Variants in LRP2 observed in about 807,000 individuals in gnomAD.
LRP2 encodes the protein LDL receptor related protein 2, also known as low-density lipoprotein receptor-related protein 2.
In LRP2, 172 loss-of-function variants were observed where a neutral mutation model predicts 531.0. The ratio of observed to expected loss-of-function variants is 0.32; its 90% CI spans 0.29 to 0.37. LRP2 has a LOEUF of 0.37. Ranked by LOEUF, LRP2 falls within the 10% of genes least tolerant of loss-of-function variation. The pLI, the probability that LRP2 is intolerant of heterozygous loss-of-function variation, is 1.00. For synonymous variants in LRP2, 1,992 were observed against 2,027.6 expected (o/e 0.98, Z 0.47); for missense variants, 5,167 against 5,868.3 (o/e 0.88, Z 3.90).
At chr2:169,182,397 CA>C in intron 50 of LRP2, 78 bp from the exon 51 acceptor site, 1 of 1,598,850 alleles carries the variant, frequency 6.3e-7, no homozygotes, top group South Asian at 1.1e-5. Context: ...GTTTCCTACC[CA>C]AGCTACCTGA....
In LRP2 at chr2:169,256,106, C is replaced by G; in HGVS notation, c.2770G>C (p.Glu924Gln). ...ATACTTTTATTGCTTTAAAACATAC[C>G]TCCAAAGATGGCAAGTCCAAACGGA... ...THPFGLAIFG[E>Q]HLFFTDWRLG... is the part of the protein sequence containing the mutation. The change falls in exon 19 of 79, where the codon GAG (glutamate) becomes CAG (glutamine). Residue 924 changes from glutamate to glutamine, a missense_variant and splice_region_variant. Transcript: ENST00000649046. 6.2e-7 allele frequency: 1 copy of G among 1,612,640 alleles called. No homozygotes were observed. Among genetic ancestry groups the G allele is most frequent in the Non-Finnish European group, 8.5e-7 (1 of 1,179,004 alleles).
chr2:169,242,892 T>C (rs1689859327), intron 24 of LRP2, 64 bp downstream of exon 24: 4 of 1,195,210 alleles, frequency 3.3e-6, no homozygotes, highest in South Asian at 1.2e-5. Flanking sequence ...GCAATATCAA[T>C]ATCAATACTG....
At chr2:169,258,986 TAC>T in intron 17 of LRP2, 37 bp downstream of exon 17, 3 of 1,581,534 alleles carry the variant, frequency 1.9e-6, no homozygotes, top group African/African-American at 1.3e-5. Context: ...GTAAAAGACA[TAC>T]AGTTTCAAGC....
intron 1 of LRP2, among the ~76,000 whole-genome samples, chr2:169,336,536 TCACA>T (rs61573424): frequency 7.5e-5 from 11 of 146,036 alleles, no homozygotes; most frequent in East Asian, 2.0e-4. Flanking sequence ...CAAGACTCCA[TCACA>T]CACACACACA....
In LRP2 at chr2:169,138,655, T is replaced by A. The variant is rs1268085928; in HGVS notation, c.13440A>T (p.Arg4480Ser). The change falls in exon 75 of 79, where the codon AGA becomes AGT. Residue 4480 changes from arginine (R) to serine (S), a missense_variant. Around this residue, in one of 6 missense-constraint regions of LRP2, gnomAD observed 348 missense variants for 369.3 expected, o/e 0.94. Transcript: ENST00000649046. ...PSENGNGVTF[R>S]SGADLNMDIG... ...TATCCATGTTAAGATCTGCCCCTGATCTGAAGGTCACCCCATTCCCATTTT... is the reference window on the plus strand; with the variant it reads ...TATCCATGTTAAGATCTGCCCCTGAACTGAAGGTCACCCCATTCCCATTTT... 1.2e-6 allele frequency: 2 copies of A among 1,614,116 alleles called. No individual in the cohort carries two copies. The highest frequency in any genetic ancestry group is 1.7e-6 in the Non-Finnish European group (2 of 1,179,966).
chr2:169,272,872 T>G, intron 15 of LRP2, 55 bp downstream of exon 15: 1 of 1,608,608 alleles, frequency 6.2e-7, no homozygotes, highest in South Asian at 1.1e-5. Context: ...GTTAGAGGTT[T>G]GGACACACAT....
At position 169,241,333 on chromosome 2, in the gene LRP2, C is replaced by T; in HGVS notation, c.3700G>A (p.Glu1234Lys). Residue 1234 changes from glutamate to lysine, a missense_variant, in exon 25 of 79, where the codon GAA (glutamate) becomes AAA (lysine). Around this residue, in one of 6 missense-constraint regions of LRP2, gnomAD observed 2,811 missense variants for 3,058.0 expected, o/e 0.92. Coordinates refer to ENST00000649046, the MANE Select transcript of LRP2 (RefSeq NM_004525.3). ...ATACCATCTTCTTGGCACTGAAATT[C>T]ATCTGAGTGGCACATACCAGGAGGC... The part of the protein sequence containing the change: ...TRPPGMCHSD[E>K]FQCQEDGICI... 6.2e-7 allele frequency: 1 copy of T among 1,614,162 alleles called. No individual in the cohort carries two copies. Among genetic ancestry groups the T allele is most frequent in the Non-Finnish European group, 8.5e-7 (1 of 1,180,032 alleles).
chr2:169,294,304 A>C (rs1263684931), intron 5 of LRP2, 43 bp from the exon 6 acceptor site: 1 of 1,149,264 alleles, frequency 8.7e-7, no homozygotes, highest in African/African-American at 1.5e-5. Context: ...AGAGAAGTTA[A>C]CTCCATTGTA....
chr2:169,206,096 C>G lies in LRP2; in HGVS notation c.7483G>C (p.Glu2495Gln). Residue 2495 changes from glutamate (E) to glutamine (Q), a missense_variant, in exon 40 of 79, where the codon GAA (glutamate) becomes CAA (glutamine). By Grantham distance (29) the Glu-to-Gln change is conservative (BLOSUM62 2). Coordinates refer to ENST00000649046, the MANE Select transcript of LRP2 (RefSeq NM_004525.3). ...ATCACAGTGCGGTTAGACCCATCTT[C>G]AGCCATGGAATTAATCATCTGGTTG... is the stretch of plus-strand genomic sequence containing the variant. ...YLNQMINSMA[E>Q]DGSNRTVIAR... The G allele has an allele frequency of 6.2e-7, 1 of 1,614,200 alleles. No homozygotes were observed. The highest frequency in any genetic ancestry group is 1.1e-5 in the South Asian group (1 of 91,076).
intron 62 of LRP2, among the ~76,000 whole-genome samples, chr2:169,163,959 G>T (rs779203931): frequency 3.9e-5 from 6 of 152,208 alleles, no homozygotes; most frequent in Non-Finnish European, 7.3e-5. Context: ...ACTCCCCAAA[G>T]AAGGGACCTT....
intron 44 of LRP2, 48 bp downstream of exon 44, chr2:169,201,580 C>T (rs1312486963): frequency 6.2e-7 from 1 of 1,613,010 alleles, no homozygotes; most frequent in Admixed American, 1.7e-5. Flanking sequence ...CTCCTGTGAT[C>T]CAAGACTTCA....
At chr2:169,189,666 T>C (rs1307953221) in intron 48 of LRP2, among the ~76,000 whole-genome samples, 2 of 152,184 alleles carry the variant, frequency 1.3e-5, no homozygotes, top group African/African-American at 4.8e-5. Flanking sequence ...CCTGTCCCAC[T>C]GTACCAAATG....
At chr2:169,324,483 G>A (rs1356742191) in intron 1 of LRP2, among the ~76,000 whole-genome samples, 2 of 152,034 alleles carry the variant, frequency 1.3e-5, no homozygotes, top group Non-Finnish European at 1.5e-5. Context: ...GACTAACATA[G>A]CATTAAAAAA....
rs148231119 is a variant in LRP2 at position 169,201,507 on chromosome 2, G to T, written c.8452+121C>A. On this transcript the variant is annotated intron_variant, in intron 44 of 78. Transcript: ENST00000649046. ...CTACCGCGCCTAGCCAAAAATTTAC[G>T]TTTTAGATAAATACTTAGGGTTTTT... The T allele has an allele frequency of 8.8e-4, 1,224 of 1,384,854 alleles. 21 individuals are homozygous for T. In the East Asian group the frequency reaches 0.024, roughly 27 times the overall value. The allele number at this position is 1,384,854 out of a possible 1,614,324, so 85.8% of individuals were successfully genotyped here. A position where few individuals can be genotyped will look rare whatever the true frequency, so the allele number is the denominator to read the frequency against.
intron 9 of LRP2, among the ~76,000 whole-genome samples, chr2:169,286,234 G>T (rs563823708): frequency 6.6e-6 from 1 of 152,344 alleles, no homozygotes; most frequent in Non-Finnish European, 1.5e-5. Context: ...GTCTCTGCAG[G>T]TGGCAGGAGG....
intron 35 of LRP2, among the ~76,000 whole-genome samples, chr2:169,214,556 T>C (rs903453750): frequency 6.6e-6 from 1 of 152,214 alleles, no homozygotes; most frequent in Non-Finnish European, 1.5e-5. Flanking sequence ...ACAGTGTGGC[T>C]TTACTGCCAT....
rs759810477 is a variant in LRP2, at chr2:169,173,198, A to G, written c.11041T>C (p.Phe3681Leu). ...TTTGTTTTGCAGCTGAATTCTGTGA[A>G]GTTGTCACAGAGATGGGCAGAGCTC... ...CMSSAHLCDNFTEFSCKTNYR... is the reference protein window; with the variant it reads ...CMSSAHLCDNLTEFSCKTNYR... The change falls in exon 57 of 79, where the codon TTC becomes CTC. Residue 3681 changes from phenylalanine (F) to leucine (L), a missense_variant. By Grantham distance (22) the Phe-to-Leu change is conservative (BLOSUM62 0). Coordinates refer to ENST00000649046, the MANE Select transcript of LRP2 (RefSeq NM_004525.3). 1 of 1,614,176 alleles carries G rather than the reference A, an allele frequency of 6.2e-7. No homozygotes were observed.
chr2:169,293,050 C>A (rs1684041441), intron 6 of LRP2, among the ~76,000 whole-genome samples: 1 of 151,964 alleles, frequency 6.6e-6, no homozygotes, highest in Non-Finnish European at 1.5e-5. Flanking sequence ...CTGAAATAAG[C>A]CCAGGTTCCA....
intron 10 of LRP2, among the ~76,000 whole-genome samples, chr2:169,282,177 A>C (rs1683721390): frequency 6.6e-6 from 1 of 152,230 alleles, no homozygotes; most frequent in Non-Finnish European, 1.5e-5. Flanking sequence ...TTCTTCAGTC[A>C]TGGGAGCAGT....
Sources: gnomAD v4.1 joint callset for allele counts (sites outside exome capture counted in the v4.1 genomes callset) on GRCh38, gnomAD v4.1.1 for gene constraint, gnomAD v4.1.1 regional missense constraint, MANE v1.5 for transcripts, NCBI Gene and HGNC (gene_info 2026-07-23, HGNC 2026-07-21) for gene names.